Variants in DLG2 observed in about 807,000 individuals in gnomAD.
The protein encoded by DLG2 is discs large MAGUK scaffold protein 2.
DLG2 carries 45 observed loss-of-function variants against 132.5 expected under a neutral mutation model. That is an observed-to-expected ratio of 0.34 (90% CI 0.27 to 0.44). The LOEUF is 0.44. Among genes scored for constraint, DLG2 ranks in the 20% least tolerant of loss-of-function variants. The pLI, the probability that DLG2 is intolerant of heterozygous loss-of-function variation, is 1.00. For missense variants in DLG2, 1,045 were observed against 1,196.9 expected, an observed-to-expected ratio of 0.87 and a Z score of 1.87; for synonymous variants, 424 against 419.6, an observed-to-expected ratio of 1.01 and a Z score of -0.13.
intron 7 of DLG2, among the ~76,000 whole-genome samples, chr11:84,485,927 C>T: frequency 6.6e-6 from 1 of 152,218 alleles, no homozygotes; most frequent in East Asian, 1.9e-4. Context: ...AGGATCTAGA[C>T]TAACACACCA....
At chr11:84,114,536 A>T (rs1231181797) in intron 9 of DLG2, among the ~76,000 whole-genome samples, 1 of 152,190 alleles carries the variant, frequency 6.6e-6, no homozygotes, top group African/African-American at 2.4e-5. Flanking sequence ...TGCTTATCAA[A>T]TTAATAATAC....
At chr11:84,808,349 T>C (rs930149866) in intron 6 of DLG2, among the ~76,000 whole-genome samples, 6 of 151,998 alleles carry the variant, frequency 3.9e-5, no homozygotes, top group African/African-American at 7.2e-5. Context: ...TAAAGTGAAA[T>C]TGAAGGCATT....
At chr11:84,590,329 T>C (rs2099539734) in intron 6 of DLG2, among the ~76,000 whole-genome samples, 1 of 152,208 alleles carries the variant, frequency 6.6e-6, no homozygotes, top group African/African-American at 2.4e-5. Flanking sequence ...TTAGGATATT[T>C]AGCACATTTC....
intron 6 of DLG2, among the ~76,000 whole-genome samples, chr11:84,844,611 C>T (rs1385750170): frequency 6.6e-6 from 1 of 151,912 alleles, no homozygotes; most frequent in Admixed American, 6.6e-5. Context: ...TTTATTTCTC[C>T]TTTCAGACTC....
chr11:84,163,838 G>C (rs1194525957), intron 8 of DLG2, among the ~76,000 whole-genome samples: 1 of 152,066 alleles, frequency 6.6e-6, no homozygotes, highest in Admixed American at 6.6e-5. Flanking sequence ...ATACAATTAT[G>C]AGGAAAATAA....
chr11:85,013,735 T>C (rs1341414010), intron 6 of DLG2, among the ~76,000 whole-genome samples: 2 of 152,292 alleles, frequency 1.3e-5, no homozygotes, highest in South Asian at 4.1e-4. Flanking sequence ...ATATTCTTTA[T>C]AACTATTTTG....
intron 14 of DLG2, among the ~76,000 whole-genome samples, chr11:83,936,357 A>C (rs1046704736): frequency 6.6e-6 from 1 of 152,166 alleles, no homozygotes; most frequent in Non-Finnish European, 1.5e-5. Flanking sequence ...AATTATTTTC[A>C]CTGCCTCTAA....
intron 16 of DLG2, among the ~76,000 whole-genome samples, chr11:83,859,806 G>A (rs2061149755): frequency 6.6e-6 from 1 of 152,190 alleles, no homozygotes; most frequent in Admixed American, 6.5e-5. Context: ...CAGCACTGGA[G>A]GTTTAGGGGG....
chr11:83,832,718 A>G (rs577360647), intron 17 of DLG2, among the ~76,000 whole-genome samples: 45 of 152,322 alleles, frequency 3.0e-4, no homozygotes, highest in Middle Eastern at 3.4e-3. Context: ...ATATACCCAT[A>G]TAAGAAACAT....
intron 11 of DLG2, among the ~76,000 whole-genome samples, chr11:84,003,719 T>C (rs2094457485): frequency 6.6e-6 from 1 of 152,140 alleles, no homozygotes. Context: ...GGGTATTATA[T>C]GGATTATAAT....
intron 14 of DLG2, among the ~76,000 whole-genome samples, chr11:83,949,817 T>G (rs115625490): frequency 0.022 from 3,312 of 152,172 alleles, 114 homozygotes; most frequent in African/African-American, 0.076. Flanking sequence ...CCTTCCTGCC[T>G]CTAAAAAAAT....
At chr11:85,287,422 C>A (rs1039507005) in intron 3 of DLG2, among the ~76,000 whole-genome samples, 1 of 152,070 alleles carries the variant, frequency 6.6e-6, no homozygotes, top group Non-Finnish European at 1.5e-5. Context: ...GAAAGATCCT[C>A]GACCTCATTG....
intron 7 of DLG2, among the ~76,000 whole-genome samples, chr11:84,457,551 A>T (rs529102086): frequency 6.6e-6 from 1 of 151,168 alleles, no homozygotes; most frequent in Admixed American, 6.6e-5. Context: ...TGCAATTGAA[A>T]TACACCAGGG....
At chr11:84,576,204 G>A (rs911604643) in intron 6 of DLG2, among the ~76,000 whole-genome samples, 2 of 152,012 alleles carry the variant, frequency 1.3e-5, no homozygotes, top group Admixed American at 6.6e-5. Context: ...TATGGTTATC[G>A]TTTACTGTTT....
intron 7 of DLG2, among the ~76,000 whole-genome samples, chr11:84,278,472 ATT>A (rs10559001): frequency 0.29 from 44,088 of 151,294 alleles, 6,609 homozygotes; most frequent in East Asian, 0.43. Flanking sequence ...TTTCCAGATC[ATT>A]TTTTTTTTTT....
intron 18 of DLG2, among the ~76,000 whole-genome samples, chr11:83,703,607 C>T (rs2153647725): frequency 6.6e-6 from 1 of 152,188 alleles, no homozygotes; most frequent in East Asian, 1.9e-4. Flanking sequence ...CGAGATAGCA[C>T]CACTGCACTC....
chr11:84,445,255 C>A (rs1357890428), intron 7 of DLG2, among the ~76,000 whole-genome samples: 1 of 152,154 alleles, frequency 6.6e-6, no homozygotes, highest in African/African-American at 2.4e-5. Flanking sequence ...AGAATCCTAA[C>A]CCCTCTTTCT....
chr11:85,511,952 A>G (rs1036380043), intron 3 of DLG2, among the ~76,000 whole-genome samples: 9 of 151,992 alleles, frequency 5.9e-5, no homozygotes, highest in African/African-American at 2.2e-4. Flanking sequence ...AGGCTGGTAA[A>G]CCTTTGAAGC....
At chr11:85,387,703 T>C (rs1048821032) in intron 3 of DLG2, among the ~76,000 whole-genome samples, 2 of 152,224 alleles carry the variant, frequency 1.3e-5, no homozygotes, top group South Asian at 2.1e-4. Context: ...TCTTACTTTC[T>C]GTCAAGCCAG....
Sources: gnomAD v4.1 joint callset for allele counts (sites outside exome capture counted in the v4.1 genomes callset) on GRCh38, gnomAD v4.1.1 for gene constraint, MANE v1.5 for transcripts, NCBI Gene and HGNC (gene_info 2026-07-23, HGNC 2026-07-21) for gene names.